AP3B1: variants seen among roughly 807,000 people sequenced by gnomAD.
AP3B1 encodes adaptor related protein complex 3 subunit beta 1, also known as AP-3 complex subunit beta-1.
In AP3B1, 61 loss-of-function variants were observed where a neutral mutation model predicts 132.5. The ratio of observed to expected loss-of-function variants is 0.46; its 90% CI spans 0.37 to 0.57. The LOEUF (loss-of-function observed/expected upper bound fraction) is 0.57. Among genes scored for constraint, AP3B1 ranks in the 20% least tolerant of loss-of-function variants. The pLI, the probability that AP3B1 is intolerant of heterozygous loss-of-function variation, is 0.00. For missense variants in AP3B1, 1,120 were observed against 1,289.4 expected (o/e 0.87, Z 2.01); for synonymous variants, 388 against 438.3 (o/e 0.89, Z 1.43).
chr5:78,241,701 C>A (rs1365871506), intron 2 of AP3B1, among the ~76,000 whole-genome samples: 1 of 152,202 alleles, frequency 6.6e-6, no homozygotes, highest in Non-Finnish European at 1.5e-5. Context: ...CCTAAGATTT[C>A]ATTCACCGTT....
At chr5:78,195,699 TA>T (rs1465761090) in intron 7 of AP3B1, among the ~76,000 whole-genome samples, 12 of 151,900 alleles carry the variant, frequency 7.9e-5, no homozygotes, top group Non-Finnish European at 1.8e-4. Context: ...GCACACCTGT[TA>T]TCCCAGCTAC....
At chr5:78,271,500 T>C (rs1748545401) in intron 1 of AP3B1, among the ~76,000 whole-genome samples, 1 of 152,186 alleles carries the variant, frequency 6.6e-6, no homozygotes, top group South Asian at 2.1e-4. Flanking sequence ...CCTCCTATAC[T>C]GTTCACAAGA....
chr5:78,150,799 C>A (rs1753614723), intron 14 of AP3B1, among the ~76,000 whole-genome samples: 1 of 151,984 alleles, frequency 6.6e-6, no homozygotes, highest in Non-Finnish European at 1.5e-5. Context: ...TAATTTCAGA[C>A]TTACAAGAAG....
At chr5:78,262,454 C>T (rs1209039323) in intron 2 of AP3B1, among the ~76,000 whole-genome samples, 1 of 152,102 alleles carries the variant, frequency 6.6e-6, no homozygotes, top group East Asian at 1.9e-4. Context: ...TATATATAAT[C>T]CAGTTTCCCC....
intron 21 of AP3B1, among the ~76,000 whole-genome samples, chr5:78,100,244 C>A (rs149930750): frequency 6.6e-6 from 1 of 152,126 alleles, no homozygotes; most frequent in Non-Finnish European, 1.5e-5. Context: ...ACATAACTCA[C>A]TCTCAGCATA....
At chr5:78,287,088 A>G (rs1749313278) in intron 1 of AP3B1, among the ~76,000 whole-genome samples, 1 of 152,250 alleles carries the variant, frequency 6.6e-6, no homozygotes, top group Admixed American at 6.5e-5. Flanking sequence ...GCAGCAAAAA[A>G]GAACATTTCA....
chr5:78,093,367 C>T (rs1750617015), intron 21 of AP3B1, among the ~76,000 whole-genome samples: 1 of 152,110 alleles, frequency 6.6e-6, no homozygotes, highest in African/African-American at 2.4e-5. Flanking sequence ...AGAACATGTA[C>T]TTTAAACAGA....
chr5:78,150,078 C>T (rs977148721), intron 14 of AP3B1, among the ~76,000 whole-genome samples: 2 of 152,096 alleles, frequency 1.3e-5, no homozygotes, highest in South Asian at 4.1e-4. Context: ...CCCTTGACTA[C>T]ACAAAAATGA....
intron 20 of AP3B1, among the ~76,000 whole-genome samples, chr5:78,102,001 T>C (rs1751148862): frequency 6.6e-6 from 1 of 152,100 alleles, no homozygotes; most frequent in Non-Finnish European, 1.5e-5. Flanking sequence ...TAGGTATGTA[T>C]AGAATTTTAA....
chr5:78,239,610 C>A (rs1472668711), intron 3 of AP3B1, among the ~76,000 whole-genome samples: 4 of 147,208 alleles, frequency 2.7e-5, no homozygotes, highest in South Asian at 4.3e-4. Context: ...CCTGTCTCTA[C>A]AAAAAAAAAA....
intron 1 of AP3B1, among the ~76,000 whole-genome samples, chr5:78,272,415 T>G (rs1316079842): frequency 6.6e-6 from 1 of 152,240 alleles, no homozygotes; most frequent in African/African-American, 2.4e-5. Flanking sequence ...TTTGGCTCTT[T>G]CTGTTGACAT....
intron 20 of AP3B1, chr5:78,101,301 G>A: frequency 2.2e-6 from 1 of 458,092 alleles, no homozygotes; most frequent in Non-Finnish European, 4.1e-6. Flanking sequence ...TCTACAATCG[G>A]ACAACTTCTT....
chr5:78,215,927 G>A (rs1745941874), intron 7 of AP3B1, 128 bp downstream of exon 7: 5 of 828,522 alleles, frequency 6.0e-6, no homozygotes, highest in Non-Finnish European at 9.8e-6. Context: ...AAAAGAACAA[G>A]AGACAAATGA....
intron 15 of AP3B1, 22 bp downstream of exon 15, chr5:78,141,121 T>C (rs1183473410): frequency 6.2e-7 from 1 of 1,608,822 alleles, no homozygotes; most frequent in Admixed American, 1.7e-5. Context: ...ATTAGATAGG[T>C]TGACTAACAT....
chr5:78,294,207 A>C (rs1195959515), intron 1 of AP3B1, among the ~76,000 whole-genome samples: 1 of 152,148 alleles, frequency 6.6e-6, no homozygotes, highest in East Asian at 1.9e-4. Context: ...AAGCTCACCA[A>C]GTGGTTTCCT....
chr5:78,097,088 C>T (rs1291256974), intron 21 of AP3B1, among the ~76,000 whole-genome samples: 2 of 123,876 alleles, frequency 1.6e-5, no homozygotes, highest in Non-Finnish European at 3.5e-5. Context: ...GCCCGGCCAG[C>T]CGCCCCGTCC....
At position 78,014,443 on chromosome 5, in the gene AP3B1, A is replaced by T. The variant is rs1580239900; in HGVS notation, c.3131+967T>A. Among the ~76,000 whole-genome samples, 5 of 152,298 alleles carry T rather than the reference A, an allele frequency of 3.3e-5. No individual in the cohort carries two copies. The East Asian group carries it at 9.6e-4, about 29-fold the overall frequency. On this transcript the variant is annotated intron_variant, in intron 26 of 26. Coordinates refer to ENST00000255194, the MANE Select transcript of AP3B1 (RefSeq NM_003664.5). ...AACACATAAGGAATGTAAAGCACAT[A>T]AGAAGTTATAACTTCCCCAAGATTA...
intron 7 of AP3B1, among the ~76,000 whole-genome samples, chr5:78,213,169 G>A (rs376091963): frequency 2.3e-3 from 355 of 152,168 alleles, no homozygotes; most frequent in South Asian, 0.018. Context: ...GTGAGCCACC[G>A]CGCCCGGCCT....
intron 4 of AP3B1, 135 bp from the exon 5 acceptor site, chr5:78,227,667 A>G: frequency 1.2e-6 from 1 of 807,688 alleles, no homozygotes; most frequent in Non-Finnish European, 2.0e-6. Flanking sequence ...TTTAAAATGA[A>G]CAATTAGTAT....
Sources: gnomAD v4.1 joint callset for allele counts (sites outside exome capture counted in the v4.1 genomes callset) on GRCh38, gnomAD v4.1.1 for gene constraint, MANE v1.5 for transcripts, NCBI Gene and HGNC (gene_info 2026-07-23, HGNC 2026-07-21) for gene names.